The following EFEMP1 variants were observed in gnomAD, a reference collection of about 807,000 sequenced individuals.
The protein encoded by EFEMP1 is EGF-like fibulin extracellular matrix protein 1.
In EFEMP1, 18 loss-of-function variants were observed where a neutral mutation model predicts 65.7. The ratio of observed to expected loss-of-function variants is 0.27; its 90% CI spans 0.19 to 0.41. The LOEUF is 0.41. EFEMP1 is among the 10% of genes least tolerant of loss of function. EFEMP1 has a pLI of 1.00. For synonymous variants in EFEMP1, 237 were observed against 219.7 expected, an observed-to-expected ratio of 1.08 and a Z score of -0.70; for missense variants, 469 against 624.8, an observed-to-expected ratio of 0.75 and a Z score of 2.66.
rs753186872 is a variant in EFEMP1 at position 55,922,874 on chromosome 2, G to A, written c.-8+25C>T. ...GCTGCAAAACTCTGTTCTCTAGAAC[G>A]TTAAGGCTTTCCCAGTATACTCACC... is the stretch of plus-strand genomic sequence containing the variant. On this transcript the variant is annotated intron_variant, in intron 2 of 11. Coordinates refer to ENST00000355426, the MANE Select transcript of EFEMP1 (RefSeq NM_001039348.3). This position sits in a 1 kb window ranked among gnomAD's most constrained non-coding sequence, Gnocchi z 5.5. The A allele has an allele frequency of 7.2e-5, 82 of 1,142,024 alleles. No individual in the cohort carries two copies. Among genetic ancestry groups the A allele is most frequent in the Non-Finnish European group, 8.5e-5 (78 of 919,252 alleles). The allele number at this position is 1,142,024 out of a possible 1,614,324, so 70.7% of individuals were successfully genotyped here.
chr2:55,898,133 CAG>C (rs1483571572), intron 5 of EFEMP1, among the ~76,000 whole-genome samples: 12 of 152,292 alleles, frequency 7.9e-5, no homozygotes, highest in Admixed American at 5.9e-4. Flanking sequence ...GAGCATGAGG[CAG>C]AGAGGCTGAT....
intron 5 of EFEMP1, among the ~76,000 whole-genome samples, chr2:55,895,953 G>A (rs184766967): frequency 6.6e-6 from 1 of 152,154 alleles, no homozygotes; most frequent in African/African-American, 2.4e-5. Flanking sequence ...CCCCCTTAAG[G>A]ATGAAGCACC....
rs774402149 is a variant in EFEMP1 at position 55,917,660 on chromosome 2, C to T, written c.517+5G>A. 6 of 1,614,130 alleles carry T rather than the reference C, an allele frequency of 3.7e-6. No individual in the cohort carries two copies. Among genetic ancestry groups the T allele is most frequent in the South Asian group, 3.3e-5 (3 of 91,074 alleles). On this transcript the variant is annotated splice_donor_5th_base_variant and intron_variant, in intron 5 of 11. Coordinates refer to ENST00000355426, the MANE Select transcript of EFEMP1 (RefSeq NM_001039348.3). The surrounding 1 kb of genome is among the most constrained non-coding windows in gnomAD (Gnocchi z 6.3). Reference sequence around the variant, plus strand: ...TCAATGGTTAGGAAAATAAGTTATTCCTACCTTGGCACACGTTGTGTTCAC... The same window carrying T: ...TCAATGGTTAGGAAAATAAGTTATTTCTACCTTGGCACACGTTGTGTTCAC...
chr2:55,919,098 G>T lies in EFEMP1; in HGVS notation c.82-831C>A, dbSNP rs1670817129. Reference sequence around the variant, plus strand: ...GGTGACAGTAAATCAGGCTTTACAGGATGAGCAGGATTTTTCCAGGTGAAT... The same window carrying T: ...GGTGACAGTAAATCAGGCTTTACAGTATGAGCAGGATTTTTCCAGGTGAAT... On this transcript the variant is annotated intron_variant, in intron 3 of 11. Coordinates refer to ENST00000355426, the MANE Select transcript of EFEMP1 (RefSeq NM_001039348.3). This position sits in a 1 kb window ranked among gnomAD's most constrained non-coding sequence, Gnocchi z 4.5. Among the ~76,000 whole-genome samples, 1 of 152,218 alleles carries T rather than the reference G, an allele frequency of 6.6e-6. No homozygotes were observed. The highest frequency in any genetic ancestry group is 1.5e-5 in the Non-Finnish European group (1 of 68,038).
rs185067526 is a variant in EFEMP1 at position 55,885,674 on chromosome 2, G to T, written c.518-3940C>A. ...TCTCTTGCTGACTTTGGCACCGTTAGTTGCTTTAAATAACACAGGCTAATC... is the reference window on the plus strand; with the variant it reads ...TCTCTTGCTGACTTTGGCACCGTTATTTGCTTTAAATAACACAGGCTAATC... On this transcript the variant is annotated intron_variant, in intron 5 of 11. Coordinates refer to ENST00000355426, the MANE Select transcript of EFEMP1 (RefSeq NM_001039348.3). This position sits in a 1 kb window ranked among gnomAD's most constrained non-coding sequence, Gnocchi z 4.3. Among the ~76,000 whole-genome samples the T allele has an allele frequency of 6.6e-6, 1 of 152,256 alleles. No homozygotes were observed. The highest frequency in any genetic ancestry group is 1.5e-5 in the Non-Finnish European group (1 of 68,026).
At chr2:55,893,750 T>C (rs765949529) in intron 5 of EFEMP1, among the ~76,000 whole-genome samples, 25 of 152,220 alleles carry the variant, frequency 1.6e-4, no homozygotes, top group Non-Finnish European at 2.9e-4. Flanking sequence ...GCAAGAACAC[T>C]GCAGGAAGTT....
intron 5 of EFEMP1, among the ~76,000 whole-genome samples, chr2:55,904,794 T>G (rs1482597094): frequency 6.6e-6 from 1 of 152,154 alleles, no homozygotes; most frequent in East Asian, 1.9e-4. Context: ...CAGCAGATGA[T>G]GAGACTTCTT....
At chr2:55,902,332 A>G (rs564040471) in intron 5 of EFEMP1, among the ~76,000 whole-genome samples, 1 of 58,666 alleles carries the variant, frequency 1.7e-5, no homozygotes, top group South Asian at 4.2e-4. Flanking sequence ...GAACTAATTC[A>G]GACTTTAAAC....
chr2:55,895,440 A>G (rs925919890), intron 5 of EFEMP1, among the ~76,000 whole-genome samples: 4 of 151,876 alleles, frequency 2.6e-5, no homozygotes, highest in African/African-American at 9.7e-5. Context: ...TAAATTCCCT[A>G]TCTTACCAGT....
intron 5 of EFEMP1, among the ~76,000 whole-genome samples, chr2:55,900,844 G>C (rs936143644): frequency 1.3e-5 from 2 of 152,066 alleles, no homozygotes; most frequent in Non-Finnish European, 2.9e-5. Flanking sequence ...TTTCCTCAGA[G>C]TGCTATCCTA....
intron 6 of EFEMP1, among the ~76,000 whole-genome samples, chr2:55,878,292 T>C (rs1254428233): frequency 6.6e-6 from 1 of 152,326 alleles, no homozygotes; most frequent in Non-Finnish European, 1.5e-5. Flanking sequence ...ACTTACGCCT[T>C]CAGTATCTTG....
Position 55,919,252 on chromosome 2 carries a change from C to A in EFEMP1, c.82-985G>T, listed in dbSNP as rs1461273729. Among the ~76,000 whole-genome samples, 2 of 152,174 alleles carry A rather than the reference C, an allele frequency of 1.3e-5. No individual in the cohort carries two copies. The highest frequency in any genetic ancestry group is 4.8e-5 in the African/African-American group (2 of 41,434). On this transcript the variant is annotated intron_variant, in intron 3 of 11. Coordinates refer to ENST00000355426, the MANE Select transcript of EFEMP1 (RefSeq NM_001039348.3). The surrounding 1 kb of genome is among the most constrained non-coding windows in gnomAD (Gnocchi z 4.5). Reference sequence around the variant, plus strand: ...GGTAGGCAGGGCCAAAACAAGAAAGCCTTTCTTTAGGAATGGAAGCCTGAA... The same window carrying A: ...GGTAGGCAGGGCCAAAACAAGAAAGACTTTCTTTAGGAATGGAAGCCTGAA...
At chr2:55,894,387 A>G (rs573486944) in intron 5 of EFEMP1, among the ~76,000 whole-genome samples, 1 of 152,246 alleles carries the variant, frequency 6.6e-6, no homozygotes, top group South Asian at 2.1e-4. Flanking sequence ...TTCAAATGTC[A>G]TAGAGTTAAA....
chr2:55,922,540 T>C lies in EFEMP1; in HGVS notation c.-7-93A>G. ...GTGAGCACAAGCGAGGAAAGGAGGG[T>C]GGGAGAGGCTGAGGCTCCACCATAC... On this transcript the variant is annotated intron_variant, in intron 2 of 11. Coordinates refer to ENST00000355426, the MANE Select transcript of EFEMP1 (RefSeq NM_001039348.3). The surrounding 1 kb of genome is among the most constrained non-coding windows in gnomAD (Gnocchi z 5.5). 8.7e-7 allele frequency: 1 copy of C among 1,153,210 alleles called. No homozygotes were observed. Among genetic ancestry groups the C allele is most frequent in the Admixed American group, 1.7e-5 (1 of 57,418 alleles). 71.4% of individuals were successfully genotyped at this position (1,153,210 alleles called of 1,614,324 possible). A position where few individuals can be genotyped will look rare whatever the true frequency, so the allele number is the denominator to read the frequency against.
chr2:55,904,366 G>T (rs1026586380), intron 5 of EFEMP1, among the ~76,000 whole-genome samples: 1 of 152,196 alleles, frequency 6.6e-6, no homozygotes, highest in Non-Finnish European at 1.5e-5. Context: ...GATCTTTGTG[G>T]TTAAGAGTTT....
intron 5 of EFEMP1, among the ~76,000 whole-genome samples, chr2:55,916,107 A>ATGT (rs1553357621): frequency 4.6e-5 from 6 of 129,446 alleles, no homozygotes; most frequent in Admixed American, 2.3e-4. Flanking sequence ...AGTTTCCTTC[A>ATGT]TTTTTTTTTT....
At chr2:55,869,103 A>G (rs1668702105) in intron 11 of EFEMP1, among the ~76,000 whole-genome samples, 1 of 152,156 alleles carries the variant, frequency 6.6e-6, no homozygotes, top group Non-Finnish European at 1.5e-5. Context: ...AAAACACTGT[A>G]TTTTGATTTG....
At position 55,907,816 on chromosome 2, in the gene EFEMP1, G is replaced by A. The variant is rs1013861437; in HGVS notation, c.517+9849C>T. Among the ~76,000 whole-genome samples, 10 of 152,300 alleles carry A rather than the reference G, an allele frequency of 6.6e-5. No individual in the cohort carries two copies. In the Middle Eastern group the frequency reaches 0.02, roughly 311 times the overall value. On this transcript the variant is annotated intron_variant, in intron 5 of 11. Transcript: ENST00000355426. ...GGATTGGATTCCTTGCAACACACAA[G>A]GCTGTTTAGAGTGAAAACTTATTTC...
chr2:55,903,759 A>G (rs1670131250), intron 5 of EFEMP1, among the ~76,000 whole-genome samples: 1 of 152,176 alleles, frequency 6.6e-6, no homozygotes, highest in South Asian at 2.1e-4. Context: ...TTTGAGGGAC[A>G]TATGCATTTA....
Sources: gnomAD v4.1 joint callset for allele counts (sites outside exome capture counted in the v4.1 genomes callset) on GRCh38, gnomAD v4.1.1 for gene constraint, Gnocchi (gnomAD v3.1) non-coding constraint, MANE v1.5 for transcripts, NCBI Gene and HGNC (gene_info 2026-07-23, HGNC 2026-07-21) for gene names.